Variants in SCN2A observed in about 807,000 individuals in gnomAD.
SCN2A encodes sodium channel protein type 2 subunit alpha.
A neutral mutation model predicts 188.7 loss-of-function variants in SCN2A; 20 were observed. That is an observed-to-expected ratio of 0.11 (90% CI 0.07 to 0.15). The LOEUF is 0.15. Among genes scored for constraint, SCN2A ranks in the 10% least tolerant of loss-of-function variants. The pLI, the probability that SCN2A is intolerant of heterozygous loss-of-function variation, is 1.00. For synonymous variants in SCN2A, 804 were observed against 833.1 expected (o/e 0.97, Z 0.60); for missense variants, 1,278 against 2,445.0 (o/e 0.52, Z 10.07).
intron 3 of SCN2A, among the ~76,000 whole-genome samples, chr2:165,305,396 G>A (rs959789184): frequency 4.6e-5 from 7 of 152,186 alleles, no homozygotes; most frequent in Admixed American, 4.6e-4. Flanking sequence ...TTGGAGAGAA[G>A]TATCTGAGAA....
intron 1 of SCN2A, among the ~76,000 whole-genome samples, chr2:165,284,572 G>C (rs189532524): frequency 6.6e-6 from 1 of 152,284 alleles, no homozygotes; most frequent in Admixed American, 6.5e-5. Flanking sequence ...GAGGAGTTTA[G>C]AGGCTGCTTT....
rs1354629142 is a variant in SCN2A, at chr2:165,347,827, T to C, written c.2919+2916T>C. On this transcript the variant is annotated intron_variant, in intron 16 of 26. Transcript: ENST00000375437. ...ATAGGAAGGTTGATCAGGGAAGTCT[T>C]TGTCAAAGAGTTTGGACCTAAAATA... Among the ~76,000 whole-genome samples, 3 of 152,176 alleles carry C rather than the reference T, an allele frequency of 2.0e-5. No homozygotes were observed. In the East Asian group the frequency reaches 5.8e-4, roughly 29 times the overall value.
rs561375550 is a variant in SCN2A at position 165,344,551 on chromosome 2, C to T, written c.2563-4C>T. 6 of 1,613,498 alleles carry T rather than the reference C, an allele frequency of 3.7e-6. No homozygotes were observed. Among genetic ancestry groups the T allele is most frequent in the Middle Eastern group, 1.6e-4 (1 of 6,082 alleles). ...ATTAACACTGTTCTTGCTTTTATTT[C>T]CAGCTCCGAGTTTTCAAGTTGGCAA... On this transcript the variant is annotated splice_region_variant and splice_polypyrimidine_tract_variant and intron_variant, in intron 15 of 26. Transcript: ENST00000375437.
intron 1 of SCN2A, among the ~76,000 whole-genome samples, chr2:165,291,666 C>T (rs534719056): frequency 1.2e-3 from 173 of 148,814 alleles, no homozygotes; most frequent in African/African-American, 4.3e-3. Context: ...CTCACTGCAG[C>T]CTCAAATGCC....
chr2:165,291,334 G>A (rs7567616), intron 1 of SCN2A, among the ~76,000 whole-genome samples: 38,560 of 149,206 alleles, frequency 0.26, 5,312 homozygotes, highest in African/African-American at 0.28. Flanking sequence ...ATGAGCCACC[G>A]GGACTTGTCT....
In SCN2A at chr2:165,307,842, T is replaced by C. The variant is rs1386314410; in HGVS notation, c.387-6T>C. 5 of 1,594,392 alleles carry C rather than the reference T, an allele frequency of 3.1e-6. No homozygotes were observed. The African/African-American group carries it at 5.4e-5, about 17-fold the overall frequency. On this transcript the variant is annotated splice_polypyrimidine_tract_variant and splice_region_variant and intron_variant, in intron 3 of 26. Coordinates refer to ENST00000375437, the MANE Select transcript of SCN2A (RefSeq NM_001040142.2). ...TTGAACTTTGTCTTCCTTGACGATA[T>C]TCTACTTTATTCAATATGCTCATTA... is the stretch of plus-strand genomic sequence containing the variant.
chr2:165,256,000 CTTTT>C (rs765804959), intron 1 of SCN2A, among the ~76,000 whole-genome samples: 4 of 88,446 alleles, frequency 4.5e-5, no homozygotes, highest in African/African-American at 1.5e-4. Flanking sequence ...GGGCTCTTTT[CTTTT>C]TTTTTTTTTT....
rs1231131843 is a variant in SCN2A, at chr2:165,344,535, GT to G, written c.2563-18del. 5 of 1,608,600 alleles carry G rather than the reference GT, an allele frequency of 3.1e-6. No individual in the cohort carries two copies. Among genetic ancestry groups the G allele is most frequent in the Non-Finnish European group, 4.3e-6 (5 of 1,175,120 alleles). ...TTTAGAAATGCAGAGCATTAACACT[GT>G]TCTTGCTTTTATTTCCAGCTCCGAG... On this transcript the variant is annotated intron_variant, in intron 15 of 26. Coordinates refer to ENST00000375437, the MANE Select transcript of SCN2A (RefSeq NM_001040142.2).
In SCN2A at chr2:165,350,460, C is replaced by CTTTTTTTTTTTTTTTTTT. The variant is rs796595702; in HGVS notation, c.2920-3729_2920-3728insTTTTTTTTTTTTTTTTTT. On this transcript the variant is annotated intron_variant, in intron 16 of 26. Coordinates refer to ENST00000375437, the MANE Select transcript of SCN2A (RefSeq NM_001040142.2). ...CTGAGTGAGCTTGCTGAACTGTTTTCTTTCTTTTTTTTTTTTTTTTTTTTT... is the reference window on the plus strand; with the variant it reads ...CTGAGTGAGCTTGCTGAACTGTTTTCTTTTTTTTTTTTTTTTTTTTTCTTTTTTTTTTTTTTTTTTTTT... Among the ~76,000 whole-genome samples, 14 of 77,926 alleles carry CTTTTTTTTTTTTTTTTTT rather than the reference C, an allele frequency of 1.8e-4. 2 individuals are homozygous for CTTTTTTTTTTTTTTTTTT. The highest frequency in any genetic ancestry group is 4.8e-4 in the African/African-American group (11 of 23,028). The allele number at this position is 77,926 out of a possible 152,430, so 51.1% of individuals were successfully genotyped here.
intron 11 of SCN2A, among the ~76,000 whole-genome samples, chr2:165,317,688 G>GCAGCCC (rs1559358775): frequency 6.6e-6 from 1 of 152,052 alleles, no homozygotes; most frequent in Non-Finnish European, 1.5e-5. Flanking sequence ...TATTCTCCCA[G>GCAGCCC]CAGCCTCTTC....
chr2:165,365,838 G>A (rs1349779137), intron 18 of SCN2A, among the ~76,000 whole-genome samples: 1 of 152,080 alleles, frequency 6.6e-6, no homozygotes, highest in Non-Finnish European at 1.5e-5. Flanking sequence ...ATGATATGGG[G>A]CAATATGTCA....
rs376640923 is a variant in SCN2A, at chr2:165,367,336, A to G, written c.3640A>G (p.Ile1214Val). ...GGAGCACAATTGGTTCGAAACCTTC[A>G]TTGTCTTCATGATTCTGCTGAGCAG... ...IVEHNWFETF[I>V]VFMILLSSGA... is the part of the protein sequence containing the mutation. The change falls in exon 19 of 27, where the codon ATT (isoleucine) becomes GTT (valine). Residue 1214 changes from isoleucine to valine, a missense_variant. Around this residue, in one of 17 missense-constraint regions of SCN2A, gnomAD observed 228 missense variants for 297.3 expected, o/e 0.77. Coordinates refer to ENST00000375437, the MANE Select transcript of SCN2A (RefSeq NM_001040142.2). 5 of 1,614,162 alleles carry G rather than the reference A, an allele frequency of 3.1e-6. No homozygotes were observed. The highest frequency in any genetic ancestry group is 1.1e-5 in the South Asian group (1 of 91,090).
chr2:165,344,520 C>G (rs766991668), intron 15 of SCN2A, 35 bp from the exon 16 acceptor site: 36 of 1,332,780 alleles, frequency 2.7e-5, no homozygotes, highest in Non-Finnish European at 3.5e-5. Flanking sequence ...TTTAGAAATG[C>G]AGAGCATTAA....
intron 1 of SCN2A, chr2:165,268,328 A>T (rs947740799): frequency 6.6e-6 from 1 of 152,018 alleles, no homozygotes. Context: ...TATAAAAAAG[A>T]TAATACATCA....
chr2:165,374,851 T>C lies in SCN2A; in HGVS notation c.4139T>C (p.Val1380Ala), dbSNP rs1299215443. The change falls in exon 22 of 27, where the codon GTC (valine) becomes GCC (alanine). Residue 1380 changes from valine to alanine, a missense_variant. Coordinates refer to ENST00000375437, the MANE Select transcript of SCN2A (RefSeq NM_001040142.2). Reference protein sequence around the residue: ...TTGEMFDVSVVNNYSECKALI... With the variant: ...TTGEMFDVSVANNYSECKALI... ...GGAGAGATGTTTGATGTAAGCGTGG[T>C]CAACAACTACAGTGAGTGCAAAGCT... 6.2e-7 allele frequency: 1 copy of C among 1,613,624 alleles called. No homozygotes were observed. The highest frequency in any genetic ancestry group is 8.5e-7 in the Non-Finnish European group (1 of 1,179,692).
chr2:165,323,003 G>A (rs1296570226), intron 11 of SCN2A, among the ~76,000 whole-genome samples, 153 bp from the exon 12 acceptor site: 3 of 152,164 alleles, frequency 2.0e-5, no homozygotes, highest in African/African-American at 7.2e-5. Context: ...AATGCCACCA[G>A]CAGTCATCAG....
chr2:165,290,821 G>A (rs1696061968), intron 1 of SCN2A: 1 of 978,034 alleles, frequency 1.0e-6, no homozygotes, highest in Non-Finnish European at 1.2e-6. Context: ...CATGGAAGTT[G>A]GTACACATGG....
intron 21 of SCN2A, 95 bp from the exon 22 acceptor site, chr2:165,374,590 T>G (rs1701215348): frequency 7.2e-7 from 1 of 1,379,840 alleles, no homozygotes; most frequent in Admixed American, 1.7e-5. Flanking sequence ...AAACAGATTT[T>G]TTTAATCATT....
chr2:165,329,302 C>T (rs1227353538), intron 13 of SCN2A, among the ~76,000 whole-genome samples: 5 of 151,922 alleles, frequency 3.3e-5, no homozygotes, highest in African/African-American at 4.8e-5. Context: ...CTGGTCACAC[C>T]TTTGTGAAGG....
Sources: allele counts gnomAD v4.1 joint callset (sites outside exome capture counted in the v4.1 genomes callset), GRCh38; gene constraint gnomAD v4.1.1; regional missense constraint gnomAD v4.1.1; transcripts MANE v1.5; gene names NCBI Gene and HGNC (gene_info 2026-07-23, HGNC 2026-07-21).